HEATR5A: variants seen among roughly 807,000 people sequenced by gnomAD.
The protein encoded by HEATR5A is HEAT repeat-containing protein 5A.
A neutral mutation model predicts 218.8 loss-of-function variants in HEATR5A; 178 were observed. The ratio of observed to expected loss-of-function variants is 0.81; its 90% confidence interval spans 0.72 to 0.92. The LOEUF (loss-of-function observed/expected upper bound fraction) is 0.92, where lower values mean the gene tolerates loss of function less well. Ranked by LOEUF, HEATR5A falls within the 40% of genes least tolerant of loss-of-function variation. The pLI is 0.00. For synonymous variants in HEATR5A, 864 were observed against 871.6 expected (o/e 0.99, Z 0.15); for missense variants, 2,420 against 2,418.9 (o/e 1.00, Z -0.01).
In HEATR5A at chr14:31,337,601, C is replaced by G. The variant is rs201621695; in HGVS notation, c.3242G>C (p.Ser1081Thr). The G allele has an allele frequency of 1.3e-6, 2 of 1,599,908 alleles. No individual in the cohort carries two copies. The highest frequency in any genetic ancestry group is 4.5e-5 in the East Asian group (2 of 44,584). Residue 1081 changes from serine (S) to threonine (T), a missense_variant, in exon 22 of 36, where the codon AGC becomes ACC. Physicochemically the swap from Ser to Thr is moderately conservative, Grantham distance 58. Coordinates refer to ENST00000543095, the MANE Select transcript of HEATR5A (RefSeq NM_015473.4). Reference sequence around the variant, plus strand: ...TGCTCTTCTCAGTAACAAGTAGGGGCTACAAAGATTCACCTGAAAAATACC... The same window carrying G: ...TGCTCTTCTCAGTAACAAGTAGGGGGTACAAAGATTCACCTGAAAAATACC... ...LVSCLCVNLC[S>T]PYLLLRRAVL...
intron 22 of HEATR5A, among the ~76,000 whole-genome samples, chr14:31,328,043 A>C (rs1206561117): frequency 6.6e-6 from 1 of 151,966 alleles, no homozygotes; most frequent in Admixed American, 6.6e-5. Flanking sequence ...CTGCCTCCTG[A>C]GTTCAAGCGA....
intron 32 of HEATR5A, among the ~76,000 whole-genome samples, chr14:31,304,164 G>A (rs1384749834): frequency 6.6e-6 from 1 of 152,156 alleles, no homozygotes; most frequent in Non-Finnish European, 1.5e-5. Context: ...AACTATGACT[G>A]TTCCACTGCA....
intron 1 of HEATR5A, among the ~76,000 whole-genome samples, chr14:31,404,085 A>G (rs867664237): frequency 2.6e-5 from 4 of 152,232 alleles, no homozygotes; most frequent in Non-Finnish European, 4.4e-5. Context: ...AAGCACAACA[A>G]AAAGTAGAAA....
intron 21 of HEATR5A, among the ~76,000 whole-genome samples, chr14:31,342,230 G>T (rs1376162072): frequency 6.6e-6 from 1 of 151,562 alleles, no homozygotes; most frequent in Non-Finnish European, 1.5e-5. Flanking sequence ...CTACAAAAAA[G>T]AAAAAAAATT....
intron 1 of HEATR5A, among the ~76,000 whole-genome samples, chr14:31,413,823 G>A (rs953447097): frequency 2.1e-4 from 32 of 152,138 alleles, no homozygotes; most frequent in African/African-American, 7.0e-4. Context: ...CTGTCTAAAC[G>A]TCCACATTCT....
At chr14:31,397,315 C>A (rs2030691532) in intron 4 of HEATR5A, among the ~76,000 whole-genome samples, 1 of 151,844 alleles carries the variant, frequency 6.6e-6, no homozygotes, top group African/African-American at 2.4e-5. Flanking sequence ...ACAAGAGTAA[C>A]CAGTGTGATG....
At chr14:31,344,136 G>A (rs1318928395) in intron 20 of HEATR5A, 71 bp from the exon 21 acceptor site, 18 of 916,898 alleles carry the variant, frequency 2.0e-5, no homozygotes, top group Admixed American at 3.8e-5. Flanking sequence ...TATATTACAG[G>A]TTTTAAAATT....
At position 31,313,016 on chromosome 14, in the gene HEATR5A, C is replaced by A. The variant is rs981392541; in HGVS notation, c.4393G>T (p.Ala1465Ser). ...RLWLAALQDF[A>S]LLTLPSEFAS... ...AATTCTGAAGGCAAAGTTAAAAGAGCAAAATCCTGAAGTGCAGCAAGCCAG... is the reference window on the plus strand; with the variant it reads ...AATTCTGAAGGCAAAGTTAAAAGAGAAAAATCCTGAAGTGCAGCAAGCCAG... The change falls in exon 28 of 36, where the codon GCT becomes TCT. Residue 1465 changes from alanine to serine, a missense_variant. By Grantham distance (99) the Ala-to-Ser change is moderately conservative (BLOSUM62 1). Transcript: ENST00000543095. The A allele has an allele frequency of 2.5e-6, 4 of 1,613,958 alleles. No homozygotes were observed. In the South Asian group the frequency reaches 4.4e-5, roughly 18 times the overall value.
chr14:31,336,217 CATATAT>C lies in HEATR5A; in HGVS notation c.3367+1253_3367+1258del, dbSNP rs3033610. Among the ~76,000 whole-genome samples the C allele has an allele frequency of 2.7e-3, 105 of 38,184 alleles. 4 individuals are homozygous for C. The South Asian group carries it at 0.03, about 11-fold the overall frequency. 25.1% of individuals were successfully genotyped at this position (38,184 alleles called of 152,430 possible). ...GGTTATTTTTATATATACATACATA[CATATAT>C]ATATATATATATATATATATATATA... On this transcript the variant is annotated intron_variant, in intron 22 of 35. Transcript: ENST00000543095.
intron 17 of HEATR5A, 72 bp downstream of exon 17, chr14:31,350,540 C>T: frequency 1.3e-6 from 1 of 797,346 alleles, no homozygotes; most frequent in South Asian, 1.6e-5. Context: ...ACATCATCCT[C>T]CGACAAACTT....
chr14:31,356,192 T>A (rs1901420055), intron 16 of HEATR5A, among the ~76,000 whole-genome samples: 1 of 152,178 alleles, frequency 6.6e-6, no homozygotes, highest in Middle Eastern at 3.2e-3. Context: ...TGTGGATAAC[T>A]GCTTATAACC....
At chr14:31,396,557 T>C (rs2030661470) in intron 4 of HEATR5A, among the ~76,000 whole-genome samples, 1 of 152,228 alleles carries the variant, frequency 6.6e-6, no homozygotes. Context: ...GAAGTTGGAG[T>C]TGGAGGAAGA....
chr14:31,336,211 T>TACACACACAC (rs776727980), intron 22 of HEATR5A, among the ~76,000 whole-genome samples: 19 of 10,728 alleles, frequency 1.8e-3, no homozygotes, highest in African/African-American at 3.5e-3. Flanking sequence ...TATATATACA[T>TACACACACAC]ACATACATAT....
chr14:31,313,698 GA>G (rs1899829213), intron 27 of HEATR5A, among the ~76,000 whole-genome samples: 1 of 152,098 alleles, frequency 6.6e-6, no homozygotes. Flanking sequence ...AAAAAGCTCT[GA>G]AAAAACCTAA....
intron 22 of HEATR5A, among the ~76,000 whole-genome samples, chr14:31,335,189 A>G (rs1900612928): frequency 6.6e-6 from 1 of 152,190 alleles, no homozygotes; most frequent in Non-Finnish European, 1.5e-5. Context: ...AGACTACAGT[A>G]TAGTACAAAC....
At position 31,293,032 on chromosome 14, in the gene HEATR5A, T is replaced by C; in HGVS notation, c.*273A>G. On this transcript the variant is annotated 3_prime_UTR_variant, in exon 36 of 36. Coordinates refer to ENST00000543095, the MANE Select transcript of HEATR5A (RefSeq NM_015473.4). ...TTCATTTTTAAAGCAGTGGATTGTTTAGTAAGTTTAGTTCTTTAGCACTTT... is the reference window on the plus strand; with the variant it reads ...TTCATTTTTAAAGCAGTGGATTGTTCAGTAAGTTTAGTTCTTTAGCACTTT... 2.9e-6 allele frequency: 1 copy of C among 341,358 alleles called. No homozygotes were observed. Among genetic ancestry groups the C allele is most frequent in the Non-Finnish European group, 5.3e-6 (1 of 189,694 alleles). 21.1% of individuals were successfully genotyped at this position (341,358 alleles called of 1,614,324 possible). A position where few individuals can be genotyped will look rare whatever the true frequency, so the allele number is the denominator to read the frequency against.
intron 22 of HEATR5A, among the ~76,000 whole-genome samples, chr14:31,332,541 C>G (rs934293540): frequency 6.6e-6 from 1 of 152,144 alleles, no homozygotes; most frequent in African/African-American, 2.4e-5. Flanking sequence ...AAAGCCAAGA[C>G]AGATTAAAAG....
chr14:31,345,929 C>CAA (rs1491114215), intron 19 of HEATR5A, among the ~76,000 whole-genome samples: 2 of 147,726 alleles, frequency 1.4e-5, no homozygotes, highest in Non-Finnish European at 3.0e-5. Context: ...CACACACACA[C>CAA]AATGGTTTAA....
At chr14:31,320,267 A>T in intron 25 of HEATR5A, 2 of 708,690 alleles carry the variant, frequency 2.8e-6, no homozygotes, top group Non-Finnish European at 5.3e-6. Flanking sequence ...CAAACAGAAG[A>T]GCCCCATGGC....
Sources: gnomAD v4.1 joint callset for allele counts (sites outside exome capture counted in the v4.1 genomes callset) on GRCh38, gnomAD v4.1.1 for gene constraint, MANE v1.5 for transcripts, NCBI Gene and HGNC (gene_info 2026-07-23, HGNC 2026-07-21) for gene names.